The following CNTN5 variants were observed in gnomAD, a reference collection of about 807,000 sequenced individuals.
CNTN5 encodes the protein contactin-5.
Under a neutral mutation model 129.1 loss-of-function variants are expected in CNTN5, and 77 were observed. The observed-to-expected ratio is 0.60, with a 90% CI of 0.50 to 0.72. The LOEUF (loss-of-function observed/expected upper bound fraction) is 0.72. CNTN5 is among the 30% of genes least tolerant of loss of function. The pLI is 0.00. For synonymous variants in CNTN5, 509 were observed against 465.6 expected (o/e 1.09, Z -1.20); for missense variants, 1,478 against 1,328.8 (o/e 1.11, Z -1.75).
intron 15 of CNTN5, among the ~76,000 whole-genome samples, chr11:100,200,075 G>A (rs1301809922): frequency 1.3e-5 from 2 of 151,862 alleles, no homozygotes; most frequent in Non-Finnish European, 2.9e-5. Context: ...TACACAAAAT[G>A]GAATATCACG....
intron 16 of CNTN5, among the ~76,000 whole-genome samples, chr11:100,253,515 G>A (rs1950011322): frequency 6.6e-6 from 1 of 152,036 alleles, no homozygotes; most frequent in African/African-American, 2.4e-5. Flanking sequence ...ACAATTTAAT[G>A]TTTGCAAACA....
At chr11:99,342,754 A>C (rs1463935605) in intron 2 of CNTN5, among the ~76,000 whole-genome samples, 1 of 151,680 alleles carries the variant, frequency 6.6e-6, no homozygotes, top group African/African-American at 2.4e-5. Flanking sequence ...AGAAAGAAAG[A>C]AAGCAGATGG....
At chr11:99,853,384 G>A (rs1565606871) in intron 6 of CNTN5, among the ~76,000 whole-genome samples, 5 of 150,614 alleles carry the variant, frequency 3.3e-5, no homozygotes, top group Admixed American at 6.6e-5. Flanking sequence ...ATATATATAC[G>A]TATATATATT....
chr11:100,000,165 A>AT (rs1438267901), intron 8 of CNTN5, among the ~76,000 whole-genome samples: 1 of 151,866 alleles, frequency 6.6e-6, no homozygotes, highest in Non-Finnish European at 1.5e-5. Context: ...AATAATAATA[A>AT]AAATAAATAA....
chr11:99,213,827 A>C (rs1283899572), intron 1 of CNTN5, among the ~76,000 whole-genome samples: 2 of 152,168 alleles, frequency 1.3e-5, no homozygotes, highest in African/African-American at 4.8e-5. Context: ...TGAGGCAGAG[A>C]TCTATCTTTT....
chr11:99,176,727 A>G (rs1391874562), intron 1 of CNTN5, among the ~76,000 whole-genome samples: 1 of 152,190 alleles, frequency 6.6e-6, no homozygotes, highest in Non-Finnish European at 1.5e-5. Flanking sequence ...ACCCTTGGTT[A>G]GATGCCATCA....
At chr11:99,425,504 G>T (rs1312559882) in intron 2 of CNTN5, among the ~76,000 whole-genome samples, 1 of 152,196 alleles carries the variant, frequency 6.6e-6, no homozygotes, top group Non-Finnish European at 1.5e-5. Context: ...GTTTGTAGAG[G>T]GACAAGGTGG....
At chr11:99,533,361 C>T (rs754546806) in intron 2 of CNTN5, among the ~76,000 whole-genome samples, 1 of 152,224 alleles carries the variant, frequency 6.6e-6, no homozygotes, top group Non-Finnish European at 1.5e-5. Flanking sequence ...AAAACAGTAA[C>T]ATCAGGTAGG....
chr11:100,195,269 A>G (rs1386808654), intron 15 of CNTN5, among the ~76,000 whole-genome samples: 1 of 152,020 alleles, frequency 6.6e-6, no homozygotes, highest in Non-Finnish European at 1.5e-5. Flanking sequence ...ACATCTAAAA[A>G]TAAATAGCCC....
At chr11:99,387,921 A>G (rs560287516) in intron 2 of CNTN5, among the ~76,000 whole-genome samples, 1 of 152,192 alleles carries the variant, frequency 6.6e-6, no homozygotes, top group African/African-American at 2.4e-5. Context: ...ATTCAAGACA[A>G]ATGAAATGAA....
intron 1 of CNTN5, among the ~76,000 whole-genome samples, 171 bp from the exon 2 acceptor site, chr11:99,325,175 A>G (rs1168050528): frequency 1.3e-5 from 2 of 152,130 alleles, no homozygotes; most frequent in Non-Finnish European, 2.9e-5. Context: ...CTACATAAAT[A>G]TACCTAATTA....
At chr11:99,638,449 C>T (rs1040624165) in intron 3 of CNTN5, among the ~76,000 whole-genome samples, 2 of 152,138 alleles carry the variant, frequency 1.3e-5, no homozygotes, top group African/African-American at 4.8e-5. Flanking sequence ...AACAGTCCCC[C>T]AAACTCTCGA....
intron 2 of CNTN5, among the ~76,000 whole-genome samples, chr11:99,550,629 T>C (rs989051879): frequency 2.0e-5 from 3 of 152,156 alleles, no homozygotes; most frequent in African/African-American, 7.2e-5. Flanking sequence ...GGCCCTCACA[T>C]TGAGGCCTTA....
rs199757388 is a variant in CNTN5 at position 100,340,632 on chromosome 11, C to A, written c.2900C>A (p.Ala967Glu). 7.5e-6 allele frequency: 12 copies of A among 1,598,868 alleles called. No homozygotes were observed. Among genetic ancestry groups the A allele is most frequent in the Non-Finnish European group, 1.0e-5 (12 of 1,174,594 alleles). The part of the protein sequence containing the change: ...GYGPPSSEVS[A>E]TTKKSPPSQA... Reference sequence around the variant, plus strand: ...GGGCCACCTAGCAGTGAAGTGAGTGCAACCACCAAGAAATCCCGTAAGTGA... The same window carrying A: ...GGGCCACCTAGCAGTGAAGTGAGTGAAACCACCAAGAAATCCCGTAAGTGA... The change falls in exon 22 of 25, where the codon GCA (alanine) becomes GAA (glutamate). Residue 967 changes from alanine to glutamate, a missense_variant. Coordinates refer to ENST00000524871, the MANE Select transcript of CNTN5 (RefSeq NM_014361.4).
chr11:99,133,733 C>T (rs924808620), intron 1 of CNTN5, among the ~76,000 whole-genome samples: 15 of 151,766 alleles, frequency 9.9e-5, no homozygotes, highest in African/African-American at 3.4e-4. Flanking sequence ...GTCAGAATGG[C>T]GATTATTAAA....
chr11:100,060,644 T>TTC (rs1056733558), intron 9 of CNTN5, among the ~76,000 whole-genome samples: 3 of 149,654 alleles, frequency 2.0e-5, no homozygotes, highest in Non-Finnish European at 4.5e-5. Context: ...TTTTTTCTTT[T>TTC]TTTTTTTTTT....
intron 1 of CNTN5, among the ~76,000 whole-genome samples, chr11:99,250,119 T>C (rs1862024826): frequency 6.6e-6 from 1 of 151,994 alleles, no homozygotes. Context: ...TGCATTTTTG[T>C]GATAACATAA....
At chr11:99,390,597 T>C (rs954760910) in intron 2 of CNTN5, among the ~76,000 whole-genome samples, 32 of 152,192 alleles carry the variant, frequency 2.1e-4, no homozygotes, top group Admixed American at 7.2e-4. Context: ...TCCATTTGCG[T>C]ACAAACTAAT....
chr11:100,031,498 G>T (rs1941705242), intron 9 of CNTN5, among the ~76,000 whole-genome samples: 1 of 152,194 alleles, frequency 6.6e-6, no homozygotes, highest in Non-Finnish European at 1.5e-5. Flanking sequence ...ATACAGATAA[G>T]ATAGGGCTAT....
Sources: gnomAD v4.1 joint callset for allele counts (sites outside exome capture counted in the v4.1 genomes callset) on GRCh38, gnomAD v4.1.1 for gene constraint, MANE v1.5 for transcripts, NCBI Gene and HGNC (gene_info 2026-07-23, HGNC 2026-07-21) for gene names.